The following PLEK2 variants were observed in gnomAD, a reference collection of about 807,000 sequenced individuals.
PLEK2 encodes pleckstrin 2.
A neutral mutation model predicts 43.8 loss-of-function variants in PLEK2; 29 were observed. That is an observed-to-expected ratio of 0.66 (90% CI 0.49 to 0.90). PLEK2 has a LOEUF of 0.90. PLEK2 is among the 40% of genes least tolerant of loss of function. PLEK2 has a pLI of 0.00. For synonymous variants in PLEK2, 162 were observed against 173.2 expected (o/e 0.94, Z 0.51); for missense variants, 398 against 448.1 (o/e 0.89, Z 1.01).
chr14:67,395,642 A>G, intron 2 of PLEK2, 59 bp from the exon 3 acceptor site: 1 of 1,527,170 alleles, frequency 6.5e-7, no homozygotes, highest in Admixed American at 1.8e-5. Flanking sequence ...GACGCCGGGC[A>G]GCAAAAATGA....
Position 67,390,590 on chromosome 14 carries a change from C to T in PLEK2, c.855+73G>A, listed in dbSNP as rs142209063. 5.3e-4 allele frequency: 570 copies of T among 1,067,568 alleles called. 4 individuals carry two copies. In the East Asian group the frequency reaches 0.011, roughly 21 times the overall value. 66.1% of individuals were successfully genotyped at this position (1,067,568 alleles called of 1,614,324 possible). On this transcript the variant is annotated intron_variant, in intron 7 of 8. Coordinates refer to ENST00000216446, the MANE Select transcript of PLEK2 (RefSeq NM_016445.3). ...GAAGGCAGGATATCCAGCCAGCTGC[C>T]CGCCATGCCAGGAGAGGAGTGTCTG...
chr14:67,392,977 C>T, intron 4 of PLEK2, 128 bp from the exon 5 acceptor site: 1 of 871,046 alleles, frequency 1.1e-6, no homozygotes, highest in Non-Finnish European at 1.8e-6. Context: ...AGACTGAAGG[C>T]CACACCTGCT....
At position 67,401,510 on chromosome 14, in the gene PLEK2, T is replaced by C. The variant is rs921053855; in HGVS notation, c.43-3684A>G. 9.2e-5 allele frequency among the ~76,000 whole-genome samples: 14 copies of C among 152,072 alleles called. No homozygotes were observed. The South Asian group carries it at 1.2e-3, about 14-fold the overall frequency. ...CTGGGCAACAGAGTGAGTCCCTGTC[T>C]CTAAAACAACAATAATAATAATTTT... On this transcript the variant is annotated intron_variant, in intron 1 of 8. Coordinates refer to ENST00000216446, the MANE Select transcript of PLEK2 (RefSeq NM_016445.3).
intron 7 of PLEK2, 100 bp downstream of exon 7, chr14:67,390,563 G>A: frequency 1.2e-6 from 1 of 832,260 alleles, no homozygotes; most frequent in Non-Finnish European, 2.1e-6. Context: ...CGGGTGCCAG[G>A]GGAAGGCAGG....
chr14:67,388,516 A>C (rs2085943714), intron 7 of PLEK2, among the ~76,000 whole-genome samples: 1 of 152,162 alleles, frequency 6.6e-6, no homozygotes. Flanking sequence ...AGTGCCCATC[A>C]ATGTTGCAGT....
chr14:67,397,465 G>A (rs1167012949), intron 2 of PLEK2, among the ~76,000 whole-genome samples, 197 bp downstream of exon 2: 1 of 152,228 alleles, frequency 6.6e-6, no homozygotes, highest in African/African-American at 2.4e-5. Flanking sequence ...TTTTACAGAT[G>A]AGGAACGAAG....
rs753107033 is a variant in PLEK2, at chr14:67,387,464, G to GA, written c.935-9dup. On this transcript the variant is annotated splice_polypyrimidine_tract_variant and intron_variant, in intron 8 of 8. Coordinates refer to ENST00000216446, the MANE Select transcript of PLEK2 (RefSeq NM_016445.3). ...GGACATTCCCTTTAACCCCTAGGCA[G>GA]AAAAAAGGGGGAAAAAAATCAGTGA... 1.1e-5 allele frequency: 17 copies of GA among 1,590,692 alleles called. No individual in the cohort carries two copies. The highest frequency in any genetic ancestry group is 2.3e-5 in the East Asian group (1 of 43,630).
chr14:67,395,168 C>G (rs573491144), intron 3 of PLEK2, among the ~76,000 whole-genome samples: 2 of 152,128 alleles, frequency 1.3e-5, no homozygotes, highest in Non-Finnish European at 2.9e-5. Context: ...TGGAGGTGTG[C>G]AGAGGTGGCA....
intron 7 of PLEK2, among the ~76,000 whole-genome samples, chr14:67,389,483 A>AT (rs1566622296): frequency 6.6e-6 from 1 of 152,074 alleles, no homozygotes; most frequent in Non-Finnish European, 1.5e-5. Context: ...CAGCCCAGAG[A>AT]TTTGGCAATT....
chr14:67,411,992 T>A (rs1374471550), intron 1 of PLEK2, 26 bp downstream of exon 1: 2 of 1,534,130 alleles, frequency 1.3e-6, no homozygotes, highest in Non-Finnish European at 1.8e-6. Flanking sequence ...ACCCGGGCAA[T>A]GTCCCGAAGC....
intron 1 of PLEK2, among the ~76,000 whole-genome samples, chr14:67,401,703 T>C (rs185978707): frequency 2.2e-4 from 33 of 152,254 alleles, no homozygotes; most frequent in African/African-American, 7.9e-4. Context: ...GAAACAAATC[T>C]CAGTTGTTTC....
chr14:67,388,080 A>AT, intron 8 of PLEK2, 144 bp downstream of exon 8: 1 of 595,832 alleles, frequency 1.7e-6, no homozygotes, highest in Non-Finnish European at 3.0e-6. Context: ...CAATTCTGAA[A>AT]TTCACTTCAA....
In PLEK2 at chr14:67,392,664, A is replaced by G. The variant is rs559778257; in HGVS notation, c.667T>C (p.Phe223Leu). The part of the protein sequence containing the change: ...FLDDSTALYT[F>L]AESYKKKISP... ...GAAGAACCCACTCCCCAACTTACAA[A>G]AGTGTACAGGGCTGTGGAGTCATCC... is the stretch of plus-strand genomic sequence containing the variant. The change falls in exon 5 of 9, where the codon TTT becomes CTT. Residue 223 changes from phenylalanine (F) to leucine (L), a missense_variant and splice_region_variant. Physicochemically the swap from Phe to Leu is conservative, Grantham distance 22. Transcript: ENST00000216446. The G allele has an allele frequency of 1.2e-6, 2 of 1,608,784 alleles. No homozygotes were observed. The highest frequency in any genetic ancestry group is 2.7e-5 in the African/African-American group (2 of 74,856).
At chr14:67,388,058 A>G (rs2085939545) in intron 8 of PLEK2, among the ~76,000 whole-genome samples, 166 bp downstream of exon 8, 1 of 152,190 alleles carries the variant, frequency 6.6e-6, no homozygotes, top group South Asian at 2.1e-4. Flanking sequence ...CGCCAAGAAC[A>G]TACCCTTTGT....
intron 6 of PLEK2, 146 bp from the exon 7 acceptor site, chr14:67,390,892 A>G (rs2139841562): frequency 1.4e-6 from 1 of 716,780 alleles, no homozygotes; most frequent in Admixed American, 1.9e-5. Context: ...AAACCTGAGG[A>G]TAGCAATGAC....
At chr14:67,392,487 C>T (rs72719128) in intron 5 of PLEK2, 60 bp from the exon 6 acceptor site, 43,230 of 1,374,708 alleles carry the variant, frequency 0.031, 780 homozygotes, top group East Asian at 0.046. Context: ...CAGGCTATGG[C>T]GGCTGTCAGA....
At chr14:67,402,849 CTTGGCTA>C in intron 1 of PLEK2, among the ~76,000 whole-genome samples, 1 of 152,186 alleles carries the variant, frequency 6.6e-6, no homozygotes, top group East Asian at 1.9e-4. Flanking sequence ...TGCTTCCAAT[CTTGGCTA>C]TTGTAAACAG....
rs1237988177 is a variant in PLEK2, at chr14:67,412,074, G to T, written c.-15C>A. 3.9e-6 allele frequency: 6 copies of T among 1,534,942 alleles called. No individual in the cohort carries two copies. The highest frequency in any genetic ancestry group is 2.0e-5 in the Admixed American group (1 of 50,180). Reference sequence around the variant, plus strand: ...CCGTCCTCCATGTCGCCGCCCGCACGCCAGGGCCACCCCAGGTGCGCCTTC... The same window carrying T: ...CCGTCCTCCATGTCGCCGCCCGCACTCCAGGGCCACCCCAGGTGCGCCTTC... On this transcript the variant is annotated 5_prime_UTR_variant, in exon 1 of 9. Coordinates refer to ENST00000216446, the MANE Select transcript of PLEK2 (RefSeq NM_016445.3).
At chr14:67,400,382 T>C (rs2086039926) in intron 1 of PLEK2, among the ~76,000 whole-genome samples, 1 of 152,214 alleles carries the variant, frequency 6.6e-6, no homozygotes, top group Non-Finnish European at 1.5e-5. Flanking sequence ...AGTATGGGCA[T>C]TGAGAGTTTT....
Sources: allele counts gnomAD v4.1 joint callset (sites outside exome capture counted in the v4.1 genomes callset), GRCh38; gene constraint gnomAD v4.1.1; transcripts MANE v1.5; gene names NCBI Gene and HGNC (gene_info 2026-07-23, HGNC 2026-07-21).